The following MCOLN3 variants were observed in gnomAD, a reference collection of about 807,000 sequenced individuals.
The protein encoded by MCOLN3 is mucolipin-3.
Under a neutral mutation model 69.4 loss-of-function variants are expected in MCOLN3, and 62 were observed. The observed-to-expected ratio is 0.89, with a 90% CI of 0.73 to 1.10. The LOEUF (loss-of-function observed/expected upper bound fraction) is 1.10. MCOLN3 is among the 50% of genes least tolerant of loss of function. The pLI, the probability that MCOLN3 is intolerant of heterozygous loss-of-function variation, is 0.00. For synonymous variants in MCOLN3, 183 were observed against 217.0 expected (o/e 0.84, Z 1.38); for missense variants, 564 against 656.4 (o/e 0.86, Z 1.54).
intron 3 of MCOLN3, among the ~76,000 whole-genome samples, chr1:85,036,456 T>C (rs2102935712): frequency 6.6e-6 from 1 of 152,342 alleles, no homozygotes; most frequent in Non-Finnish European, 1.5e-5. Flanking sequence ...CCCAAAGTGC[T>C]GGGATTACAG....
At chr1:85,019,700 A>G (rs6576742) in intron 12 of MCOLN3, among the ~76,000 whole-genome samples, 150,742 of 152,346 alleles carry the variant, frequency 0.99, 74,595 homozygotes, top group Middle Eastern at 1. Context: ...CTAGTAGGCC[A>G]AGGGATGGAA....
At chr1:85,025,588 T>TAAAA in intron 9 of MCOLN3, 1 of 157,780 alleles carries the variant, frequency 6.3e-6, no homozygotes, top group African/African-American at 2.6e-5. Flanking sequence ...CTTGTAAGAT[T>TAAAA]AAAAAAAAAA....
chr1:85,033,016 G>C, intron 4 of MCOLN3, 60 bp from the exon 5 acceptor site: 1 of 1,371,156 alleles, frequency 7.3e-7, no homozygotes, highest in Non-Finnish European at 1.0e-6. Context: ...ATTTTGAAAG[G>C]CTGATACATT....
At chr1:85,020,130 T>C (rs557117650) in intron 12 of MCOLN3, among the ~76,000 whole-genome samples, 64 of 152,322 alleles carry the variant, frequency 4.2e-4, no homozygotes, top group African/African-American at 1.5e-3. Flanking sequence ...TTTGGAGGGA[T>C]CTGAAGTTAC....
intron 6 of MCOLN3, among the ~76,000 whole-genome samples, chr1:85,031,725 T>A (rs1013839650): frequency 6.6e-6 from 1 of 151,862 alleles, no homozygotes; most frequent in Non-Finnish European, 1.5e-5. Flanking sequence ...CATGGGCAAA[T>A]AAAAAAATGT....
chr1:85,027,206 C>T (rs904937282), intron 7 of MCOLN3, among the ~76,000 whole-genome samples: 3 of 152,102 alleles, frequency 2.0e-5, no homozygotes, highest in African/African-American at 4.8e-5. Flanking sequence ...TATTCTACTA[C>T]AAAGAAGTAA....
At chr1:85,036,255 G>A (rs1652798766) in intron 3 of MCOLN3, among the ~76,000 whole-genome samples, 1 of 152,130 alleles carries the variant, frequency 6.6e-6, no homozygotes, top group Non-Finnish European at 1.5e-5. Flanking sequence ...GCAGTGGCAT[G>A]ATCTCGGCTC....
intron 4 of MCOLN3, among the ~76,000 whole-genome samples, chr1:85,033,662 C>G (rs1332529362): frequency 6.6e-6 from 1 of 152,112 alleles, no homozygotes; most frequent in African/African-American, 2.4e-5. Context: ...GGTATTGGGG[C>G]AGGAGAGTTT....
At chr1:85,040,061 G>A (rs189445248) in intron 3 of MCOLN3, among the ~76,000 whole-genome samples, 13 of 152,162 alleles carry the variant, frequency 8.5e-5, no homozygotes, top group African/African-American at 2.2e-4. Flanking sequence ...TTAGAGAAAC[G>A]TAATATACTT....
At chr1:85,039,708 G>T (rs1353742962) in intron 3 of MCOLN3, among the ~76,000 whole-genome samples, 1 of 152,164 alleles carries the variant, frequency 6.6e-6, no homozygotes, top group East Asian at 1.9e-4. Flanking sequence ...TGCACTTTGG[G>T]AGGCTGAGAT....
At position 85,018,915 on chromosome 1, in the gene MCOLN3, A is replaced by G. The variant is rs1651790305; in HGVS notation, c.*208T>C. ...TAATAATCCAATAGCTTTCCTCATT[A>G]AAGTTTTTTTAAAAACAATCCCAGC... On this transcript the variant is annotated 3_prime_UTR_variant, in exon 13 of 13. Transcript: ENST00000370589. The G allele has an allele frequency of 8.0e-6, 4 of 502,412 alleles. No individual in the cohort carries two copies. The South Asian group carries it at 1.2e-4, about 15-fold the overall frequency. The allele number at this position is 502,412 out of a possible 1,614,324, so 31.1% of individuals were successfully genotyped here.
chr1:85,021,034 G>A (rs769023069), intron 12 of MCOLN3, 36 bp downstream of exon 12: 1 of 1,481,952 alleles, frequency 6.7e-7, no homozygotes, highest in Admixed American at 1.8e-5. Flanking sequence ...CAAGTTATAG[G>A]ACAATGCTAC....
intron 3 of MCOLN3, among the ~76,000 whole-genome samples, chr1:85,036,105 A>G (rs890817202): frequency 1.3e-5 from 2 of 152,192 alleles, no homozygotes; most frequent in Non-Finnish European, 2.9e-5. Context: ...GGCTCTTCCA[A>G]TGAGAATATG....
intron 4 of MCOLN3, among the ~76,000 whole-genome samples, chr1:85,033,511 T>G (rs941818727): frequency 1.3e-5 from 2 of 152,216 alleles, no homozygotes; most frequent in Non-Finnish European, 2.9e-5. Flanking sequence ...CAATACTTAT[T>G]TTTTAACTCA....
chr1:85,035,521 C>T (rs1420525026), intron 3 of MCOLN3, among the ~76,000 whole-genome samples: 1 of 152,206 alleles, frequency 6.6e-6, no homozygotes, highest in Non-Finnish European at 1.5e-5. Context: ...TTCTGTAAGT[C>T]AGTCAGTTGT....
chr1:85,021,236 A>G lies in MCOLN3; in HGVS notation c.1361T>C (p.Leu454Pro), dbSNP rs755690352. The G allele has an allele frequency of 2.5e-6, 4 of 1,613,822 alleles. No homozygotes were observed. The highest frequency in any genetic ancestry group is 3.4e-6 in the Non-Finnish European group (4 of 1,179,866). Reference protein sequence around the residue: ...LNMVSECLFSLINGDDMFATF... With the variant: ...LNMVSECLFSPINGDDMFATF... ...GGCAAACATATCATCTCCATTTATCAGAGAGAAAAGGCACTCAGAGACCAT... is the reference window on the plus strand; with the variant it reads ...GGCAAACATATCATCTCCATTTATCGGAGAGAAAAGGCACTCAGAGACCAT... Residue 454 changes from leucine to proline, a missense_variant, in exon 12 of 13, where the codon CTG becomes CCG. Coordinates refer to ENST00000370589, the MANE Select transcript of MCOLN3 (RefSeq NM_018298.11).
In MCOLN3 at chr1:85,032,872, C is replaced by T. The variant is rs200532474; in HGVS notation, c.635G>A (p.Arg212Lys). 2.4e-4 allele frequency: 386 copies of T among 1,614,058 alleles called. No homozygotes were observed. The highest frequency in any genetic ancestry group is 3.1e-4 in the Non-Finnish European group (369 of 1,180,016). Residue 212 changes from arginine (R) to lysine (K), a missense_variant and splice_region_variant, in exon 5 of 13, where the codon AGA (arginine) becomes AAA (lysine). Transcript: ENST00000370589. ...NKLNLTLDFH[R>K]LLTVELQFKL... ...TTACACTCCTGTCTGCTCCCCTCAC[C>T]TGTGGAAGTCCAGTGTTAAGTTCAG...
At chr1:85,038,133 G>A (rs1652887058) in intron 3 of MCOLN3, among the ~76,000 whole-genome samples, 1 of 152,118 alleles carries the variant, frequency 6.6e-6, no homozygotes, top group African/African-American at 2.4e-5. Flanking sequence ...AAGACCAGAA[G>A]GAAGAAACAG....
intron 6 of MCOLN3, 29 bp from the exon 7 acceptor site, chr1:85,029,234 A>C: frequency 7.1e-7 from 1 of 1,409,236 alleles, no homozygotes; most frequent in East Asian, 2.3e-5. Flanking sequence ...AGTCAAAAAC[A>C]TACTTATAGT....
Sources: allele counts gnomAD v4.1 joint callset (sites outside exome capture counted in the v4.1 genomes callset), GRCh38; gene constraint gnomAD v4.1.1; transcripts MANE v1.5; gene names NCBI Gene and HGNC (gene_info 2026-07-23, HGNC 2026-07-21).